LRRTM4: variants seen among roughly 807,000 people sequenced by gnomAD.
LRRTM4 encodes leucine-rich repeat transmembrane neuronal protein 4.
In LRRTM4, 25 loss-of-function variants were observed where a neutral mutation model predicts 47.6. That is an observed-to-expected ratio of 0.53 (90% CI 0.38 to 0.73). The LOEUF is 0.73. Ranked by LOEUF, LRRTM4 falls within the 30% of genes least tolerant of loss-of-function variation. LRRTM4 has a pLI of 0.00. For missense variants in LRRTM4, 638 were observed against 713.4 expected, an observed-to-expected ratio of 0.89 and a Z score of 1.20; for synonymous variants, 311 against 269.5, an observed-to-expected ratio of 1.15 and a Z score of -1.51.
chr2:77,453,183 T>A (rs1676332224), intron 3 of LRRTM4, among the ~76,000 whole-genome samples: 1 of 142,236 alleles, frequency 7.0e-6, no homozygotes, highest in African/African-American at 2.6e-5. Flanking sequence ...TTGATTTTTT[T>A]TTTTTTTTTT....
intron 3 of LRRTM4, among the ~76,000 whole-genome samples, chr2:76,930,947 G>C (rs1042895835): frequency 2.0e-5 from 3 of 152,048 alleles, no homozygotes; most frequent in Non-Finnish European, 4.4e-5. Context: ...CATCCAAAAA[G>C]AATATTTCAC....
At chr2:76,924,915 G>T (rs535866774) in intron 3 of LRRTM4, among the ~76,000 whole-genome samples, 1,790 of 152,100 alleles carry the variant, frequency 0.012, 42 homozygotes, top group African/African-American at 0.041. Flanking sequence ...TAACTTTAAA[G>T]CCGGAACCCT....
intron 3 of LRRTM4, among the ~76,000 whole-genome samples, chr2:76,992,055 C>T (rs1316962968): frequency 6.6e-6 from 1 of 151,608 alleles, no homozygotes; most frequent in African/African-American, 2.4e-5. Flanking sequence ...TCTCAATAGA[C>T]ATGGAAAACC....
chr2:76,828,162 A>C (rs1307325280), intron 3 of LRRTM4, among the ~76,000 whole-genome samples: 2 of 151,904 alleles, frequency 1.3e-5, no homozygotes, highest in Non-Finnish European at 2.9e-5. Context: ...TTTCACTTTA[A>C]CATTGAATGA....
chr2:76,990,366 G>A (rs1435858140), intron 3 of LRRTM4, among the ~76,000 whole-genome samples: 1 of 151,686 alleles, frequency 6.6e-6, no homozygotes, highest in East Asian at 1.9e-4. Context: ...AGAGTAAGTT[G>A]GATAAAATAG....
chr2:76,807,481 T>TACACAC (rs1162707586), intron 3 of LRRTM4, among the ~76,000 whole-genome samples: 1 of 131,716 alleles, frequency 7.6e-6, no homozygotes, highest in South Asian at 2.4e-4. Flanking sequence ...CATATATATA[T>TACACAC]ATATACATAT....
intron 3 of LRRTM4, among the ~76,000 whole-genome samples, chr2:77,320,335 C>A (rs563908805): frequency 1.3e-5 from 2 of 152,288 alleles, no homozygotes; most frequent in Admixed American, 6.5e-5. Flanking sequence ...CAGATAATCT[C>A]ACCCACACCC....
chr2:76,811,402 A>C (rs1218504781), intron 3 of LRRTM4, among the ~76,000 whole-genome samples: 1 of 152,182 alleles, frequency 6.6e-6, no homozygotes, highest in East Asian at 1.9e-4. Context: ...TTGAAGAGGA[A>C]AGTGTGAGCA....
At chr2:77,387,841 A>G (rs1207047805) in intron 3 of LRRTM4, among the ~76,000 whole-genome samples, 1 of 152,142 alleles carries the variant, frequency 6.6e-6, no homozygotes, top group East Asian at 1.9e-4. Context: ...TTACTTCACC[A>G]TATTATGTTT....
intron 3 of LRRTM4, among the ~76,000 whole-genome samples, chr2:77,149,517 G>A (rs191128786): frequency 1.3e-5 from 2 of 152,252 alleles, no homozygotes; most frequent in African/African-American, 4.8e-5. Context: ...CAAGAAGTGT[G>A]TCCTATTGTG....
chr2:76,877,817 G>A (rs1488913021), intron 3 of LRRTM4, among the ~76,000 whole-genome samples: 1 of 151,902 alleles, frequency 6.6e-6, no homozygotes, highest in Non-Finnish European at 1.5e-5. Context: ...AAAGTCAGAG[G>A]AAAAACATTT....
chr2:76,807,383 T>TAC (rs1670518162), intron 3 of LRRTM4, among the ~76,000 whole-genome samples: 2 of 52,990 alleles, frequency 3.8e-5, no homozygotes, highest in Admixed American at 5.3e-4. Context: ...ACATTCATTT[T>TAC]ATATATATAT....
At chr2:77,301,432 T>C (rs528714301) in intron 3 of LRRTM4, among the ~76,000 whole-genome samples, 1 of 152,126 alleles carries the variant, frequency 6.6e-6, no homozygotes, top group Non-Finnish European at 1.5e-5. Flanking sequence ...GTTTTCCATT[T>C]GGATGGTGCA....
intron 3 of LRRTM4, among the ~76,000 whole-genome samples, chr2:77,480,902 T>A (rs1677676574): frequency 6.7e-6 from 1 of 149,704 alleles, no homozygotes; most frequent in South Asian, 2.1e-4. Context: ...TTTTTTCAAG[T>A]TGGACCCTAC....
At chr2:77,059,326 A>G (rs1418425214) in intron 3 of LRRTM4, among the ~76,000 whole-genome samples, 1 of 152,166 alleles carries the variant, frequency 6.6e-6, no homozygotes, top group Non-Finnish European at 1.5e-5. Flanking sequence ...ACAGTGGATA[A>G]TTCTTTCAGT....
At chr2:77,049,268 C>CAT (rs976780557) in intron 3 of LRRTM4, among the ~76,000 whole-genome samples, 2 of 150,224 alleles carry the variant, frequency 1.3e-5, no homozygotes, top group African/African-American at 4.9e-5. Context: ...CGTGGGAATG[C>CAT]ATATATCTAT....
At chr2:77,235,107 C>A (rs990290811) in intron 3 of LRRTM4, among the ~76,000 whole-genome samples, 1 of 151,998 alleles carries the variant, frequency 6.6e-6, no homozygotes, top group Non-Finnish European at 1.5e-5. Flanking sequence ...GGATATGTAC[C>A]ACATTTTCTG....
chr2:76,907,246 A>G (rs1473458610), intron 3 of LRRTM4, among the ~76,000 whole-genome samples: 3 of 150,588 alleles, frequency 2.0e-5, no homozygotes, highest in East Asian at 2.0e-4. Flanking sequence ...AATGACTACC[A>G]GGTACATAAT....
At chr2:77,117,712 A>C (rs2103949073) in intron 3 of LRRTM4, among the ~76,000 whole-genome samples, 1 of 152,114 alleles carries the variant, frequency 6.6e-6, no homozygotes, top group African/African-American at 2.4e-5. Context: ...AGAAATTCAC[A>C]AATTGTATAC....
Sources: allele counts gnomAD v4.1 joint callset (sites outside exome capture counted in the v4.1 genomes callset), GRCh38; gene constraint gnomAD v4.1.1; transcripts MANE v1.5; gene names NCBI Gene and HGNC (gene_info 2026-07-23, HGNC 2026-07-21).